CDK17: variants seen among roughly 807,000 people sequenced by gnomAD.
CDK17 encodes the protein cyclin dependent kinase 17, also known as cyclin-dependent kinase 17.
A neutral mutation model predicts 77.6 loss-of-function variants in CDK17; 24 were observed. The observed-to-expected ratio is 0.31, with a 90% CI of 0.22 to 0.44. The LOEUF (loss-of-function observed/expected upper bound fraction) is 0.44. CDK17 is among the 20% of genes least tolerant of loss of function. CDK17 has a pLI of 1.00. For synonymous variants in CDK17, 203 were observed against 210.4 expected (o/e 0.96, Z 0.30); for missense variants, 429 against 622.5 (o/e 0.69, Z 3.31).
intron 1 of CDK17, among the ~76,000 whole-genome samples, chr12:96,352,081 G>A (rs1338196335): frequency 6.6e-6 from 1 of 152,170 alleles, no homozygotes; most frequent in Non-Finnish European, 1.5e-5. Context: ...GCAATAGGAG[G>A]GGGAAACCAG....
intron 1 of CDK17, among the ~76,000 whole-genome samples, chr12:96,354,747 G>A (rs370377813): frequency 6.6e-6 from 1 of 152,002 alleles, no homozygotes; most frequent in Non-Finnish European, 1.5e-5. Context: ...AGCCAGGCAG[G>A]GTGGCACATG....
In CDK17 at chr12:96,299,765, T is replaced by C. The variant is rs1165971100; in HGVS notation, c.600+539A>G. On this transcript the variant is annotated intron_variant, in intron 6 of 16. Transcript: ENST00000261211. ...AACTCTCCTTTAAAAAACAAGGATC[T>C]CTTCTATTATTGCCAGGACAGCCCT... Among the ~76,000 whole-genome samples, 10 of 152,174 alleles carry C rather than the reference T, an allele frequency of 6.6e-5. No homozygotes were observed. In the South Asian group the frequency reaches 1.5e-3, roughly 22 times the overall value.
At chr12:96,333,438 G>A (rs781187545) in intron 2 of CDK17, among the ~76,000 whole-genome samples, 1 of 152,100 alleles carries the variant, frequency 6.6e-6, no homozygotes, top group South Asian at 2.1e-4. Context: ...GTCGAGGCAG[G>A]CAGATCACTT....
chr12:96,336,327 G>T lies in CDK17; in HGVS notation c.-29-1462C>A, dbSNP rs190304251. Among the ~76,000 whole-genome samples, 6 of 152,154 alleles carry T rather than the reference G, an allele frequency of 3.9e-5. No homozygotes were observed. The East Asian group carries it at 1.2e-3, about 29-fold the overall frequency. ...AAAACAAAGAAAATTAGCCAGGCAT[G>T]GTGGCATCTGCCTGTATGCCCAGCT... On this transcript the variant is annotated intron_variant, in intron 1 of 16. Transcript: ENST00000261211.
intron 1 of CDK17, among the ~76,000 whole-genome samples, chr12:96,380,542 G>C (rs1953863414): frequency 6.6e-6 from 1 of 152,114 alleles, no homozygotes; most frequent in Non-Finnish European, 1.5e-5. Context: ...ACCCGCCTCA[G>C]CCTCCTAAAG....
intron 1 of CDK17, among the ~76,000 whole-genome samples, chr12:96,381,763 T>A (rs1160910729): frequency 6.6e-6 from 1 of 151,768 alleles, no homozygotes; most frequent in East Asian, 1.9e-4. Flanking sequence ...CAAAACAACT[T>A]ATCTAGTTTT....
intron 3 of CDK17, 31 bp from the exon 4 acceptor site, chr12:96,313,485 T>C (rs1398366111): frequency 1.4e-5 from 17 of 1,256,426 alleles, no homozygotes; most frequent in East Asian, 2.7e-5. Flanking sequence ...TTAAAAGAGA[T>C]ACATTATATT....
At chr12:96,337,279 C>T (rs192498807) in intron 1 of CDK17, among the ~76,000 whole-genome samples, 111 of 151,962 alleles carry the variant, frequency 7.3e-4, no homozygotes, top group African/African-American at 2.5e-3. Context: ...GTTTTTTGCT[C>T]ATCTCTTATG....
At chr12:96,353,978 A>C (rs1253372954) in intron 1 of CDK17, among the ~76,000 whole-genome samples, 1 of 152,200 alleles carries the variant, frequency 6.6e-6, no homozygotes, top group African/African-American at 2.4e-5. Flanking sequence ...GAAGCCAGAA[A>C]GGGTATGTGT....
intron 1 of CDK17, among the ~76,000 whole-genome samples, chr12:96,366,255 C>T (rs1325004325): frequency 2.6e-5 from 4 of 152,272 alleles, no homozygotes; most frequent in Middle Eastern, 6.8e-3. Context: ...TTAGACATTC[C>T]ACCAGAGAAC....
intron 1 of CDK17, among the ~76,000 whole-genome samples, chr12:96,369,095 G>C (rs1953647994): frequency 6.6e-6 from 1 of 151,602 alleles, no homozygotes; most frequent in Non-Finnish European, 1.5e-5. Context: ...AGAATCTGGT[G>C]AATCAACTAA....
At chr12:96,280,686 T>C in intron 16 of CDK17, 122 bp downstream of exon 16, 1 of 1,474,414 alleles carries the variant, frequency 6.8e-7, no homozygotes. Flanking sequence ...CATAAACAGT[T>C]GTGGAATGCA....
At position 96,357,297 on chromosome 12, in the gene CDK17, C is replaced by T. The variant is rs1010485888; in HGVS notation, c.-29-22432G>A. On this transcript the variant is annotated intron_variant, in intron 1 of 16. Transcript: ENST00000261211. ...CAACACAGTGAGACCCTCAATTCTACAAAAAAAATTTAAAAATAGCCAGAT... is the reference window on the plus strand; with the variant it reads ...CAACACAGTGAGACCCTCAATTCTATAAAAAAAATTTAAAAATAGCCAGAT... Among the ~76,000 whole-genome samples, 3 of 151,792 alleles carry T rather than the reference C, an allele frequency of 2.0e-5. No homozygotes were observed. In the South Asian group the frequency reaches 6.3e-4, roughly 32 times the overall value.
rs202088048 is a variant in CDK17 at position 96,346,135 on chromosome 12, T to C, written c.-29-11270A>G. 4.0e-4 allele frequency among the ~76,000 whole-genome samples: 61 copies of C among 152,238 alleles called. No individual in the cohort carries two copies. In the East Asian group the frequency reaches 0.011, roughly 28 times the overall value. On this transcript the variant is annotated intron_variant, in intron 1 of 16. Coordinates refer to ENST00000261211, the MANE Select transcript of CDK17 (RefSeq NM_002595.5). The stretch of plus-strand genomic sequence containing the variant: ...GAGTTCAAGACCAGCCTGGCCAACA[T>C]GGTGAAATCCCATTTCTACTAAAAA...
chr12:96,374,161 T>C (rs912380440), intron 1 of CDK17, among the ~76,000 whole-genome samples: 1 of 152,168 alleles, frequency 6.6e-6, no homozygotes, highest in Admixed American at 6.5e-5. Flanking sequence ...AGAAATTAAG[T>C]AACTTTCATG....
intron 1 of CDK17, among the ~76,000 whole-genome samples, chr12:96,354,871 G>A (rs1953370337): frequency 6.6e-6 from 1 of 152,068 alleles, no homozygotes; most frequent in Non-Finnish European, 1.5e-5. Context: ...GAATCAGAGT[G>A]AGACCCCAAC....
chr12:96,397,019 A>AC (rs1249562446), intron 1 of CDK17, among the ~76,000 whole-genome samples: 2 of 152,154 alleles, frequency 1.3e-5, no homozygotes, highest in African/African-American at 4.8e-5. Flanking sequence ...TTGAATAGCT[A>AC]CCCCAGTTGC....
intron 1 of CDK17, among the ~76,000 whole-genome samples, chr12:96,368,533 T>C (rs2137202617): frequency 6.6e-6 from 1 of 152,286 alleles, no homozygotes; most frequent in South Asian, 2.1e-4. Context: ...CTGGGCACCG[T>C]GCCTCCTAAA....
intron 1 of CDK17, among the ~76,000 whole-genome samples, chr12:96,354,427 A>G (rs1184435913): frequency 1.3e-5 from 2 of 152,192 alleles, no homozygotes; most frequent in African/African-American, 4.8e-5. Flanking sequence ...CAGTAAATGG[A>G]TGGTAACTAT....
Sources: gnomAD v4.1 joint callset for allele counts (sites outside exome capture counted in the v4.1 genomes callset) on GRCh38, gnomAD v4.1.1 for gene constraint, MANE v1.5 for transcripts, NCBI Gene and HGNC (gene_info 2026-07-23, HGNC 2026-07-21) for gene names.